The following SPECC1 variants were observed in gnomAD, a reference collection of about 807,000 sequenced individuals.
SPECC1 encodes the protein sperm antigen with calponin homology and coiled-coil domains 1.
SPECC1 carries 62 observed loss-of-function variants against 104.1 expected under a neutral mutation model. The ratio of observed to expected loss-of-function variants is 0.60; its 90% CI spans 0.49 to 0.74. The LOEUF (loss-of-function observed/expected upper bound fraction) is 0.74. SPECC1 is among the 30% of genes least tolerant of loss of function. The pLI is 0.00. For missense variants in SPECC1, 1,306 were observed against 1,310.5 expected (o/e 1.00, Z 0.05); for synonymous variants, 513 against 501.6 (o/e 1.02, Z -0.30).
At chr17:20,210,385 C>T (rs1382095164) in intron 4 of SPECC1, among the ~76,000 whole-genome samples, 1 of 152,190 alleles carries the variant, frequency 6.6e-6, no homozygotes, top group African/African-American at 2.4e-5. Context: ...GCTGGCAGTG[C>T]TGTGGTTCTG....
At chr17:20,200,771 A>G (rs1332436479) in intron 3 of SPECC1, among the ~76,000 whole-genome samples, 1 of 152,174 alleles carries the variant, frequency 6.6e-6, no homozygotes, top group Non-Finnish European at 1.5e-5. Flanking sequence ...CAAGACCATC[A>G]TCATTGGTCT....
At chr17:20,279,597 C>T (rs984174709) in intron 12 of SPECC1, among the ~76,000 whole-genome samples, 6 of 152,186 alleles carry the variant, frequency 3.9e-5, no homozygotes, top group African/African-American at 1.4e-4. Context: ...GTTGGGATTA[C>T]AGGTATGAGC....
chr17:20,275,173 A>G (rs2040535237), intron 12 of SPECC1, among the ~76,000 whole-genome samples: 1 of 152,120 alleles, frequency 6.6e-6, no homozygotes, highest in Non-Finnish European at 1.5e-5. Context: ...CTAGTAGGGG[A>G]ACATTTGTAC....
At chr17:20,112,713 CT>C in intron 3 of SPECC1, 1 of 1,152,906 alleles carries the variant, frequency 8.7e-7, no homozygotes, top group Non-Finnish European at 1.3e-6. Context: ...TTTGAGGATC[CT>C]TCCGGTCTTA....
chr17:20,043,791 G>C (rs981760233), intron 1 of SPECC1, among the ~76,000 whole-genome samples: 2 of 152,156 alleles, frequency 1.3e-5, no homozygotes, highest in Non-Finnish European at 2.9e-5. Context: ...AGGGAGAAGA[G>C]TTTTCTAAGG....
At chr17:20,291,152 C>A (rs1220564655) in intron 12 of SPECC1, among the ~76,000 whole-genome samples, 1 of 152,174 alleles carries the variant, frequency 6.6e-6, no homozygotes, top group East Asian at 1.9e-4. Flanking sequence ...AGAGTCTGTT[C>A]CTGGTGGGCC....
intron 2 of SPECC1, among the ~76,000 whole-genome samples, chr17:20,103,552 G>A (rs553534514): frequency 6.6e-6 from 1 of 152,192 alleles, no homozygotes; most frequent in African/African-American, 2.4e-5. Context: ...GAATGGGAGG[G>A]ACAGGAATGG....
intron 2 of SPECC1, among the ~76,000 whole-genome samples, chr17:20,100,384 G>A (rs973588369): frequency 3.9e-5 from 6 of 152,084 alleles, no homozygotes; most frequent in Non-Finnish European, 7.4e-5. Context: ...AAATGGTGGT[G>A]GACAAAAAAG....
intron 3 of SPECC1, among the ~76,000 whole-genome samples, chr17:20,133,442 C>A (rs928374844): frequency 1.3e-5 from 2 of 151,678 alleles, no homozygotes; most frequent in Admixed American, 6.6e-5. Flanking sequence ...GGAATCATGG[C>A]AGTTAAAAAA....
At chr17:20,202,841 A>C (rs1282990805) in intron 3 of SPECC1, among the ~76,000 whole-genome samples, 6 of 152,204 alleles carry the variant, frequency 3.9e-5, no homozygotes, top group Non-Finnish European at 8.8e-5. Context: ...AAAGTCTATG[A>C]TATACTCTTG....
chr17:20,245,842 C>A, intron 7 of SPECC1, 84 bp from the exon 8 acceptor site: 1 of 1,474,168 alleles, frequency 6.8e-7, no homozygotes, highest in Non-Finnish European at 9.3e-7. Flanking sequence ...ATTTTCTCCA[C>A]ATCAGTTCTG....
At chr17:20,306,169 A>AT (rs2041757554) in intron 14 of SPECC1, 87 bp downstream of exon 14, 6 of 1,284,440 alleles carry the variant, frequency 4.7e-6, no homozygotes, top group Non-Finnish European at 6.7e-6. Context: ...CTCGTAGAAC[A>AT]TTGACATCTG....
chr17:20,238,574 C>T (rs2039046528), intron 7 of SPECC1: 1 of 1,043,060 alleles, frequency 9.6e-7, no homozygotes, highest in East Asian at 5.7e-5. Flanking sequence ...TCAAACTGGA[C>T]AGCACAGAAT....
chr17:20,314,015 CAG>C lies in SPECC1; in HGVS notation c.3160_3161del (p.Ser1054CysfsTer13), dbSNP rs2041999214. The C allele has an allele frequency of 1.2e-6, 2 of 1,614,166 alleles. No individual in the cohort carries two copies. The highest frequency in any genetic ancestry group is 1.7e-5 in the Admixed American group (1 of 60,020). ...GCTGTACACAGACCGGCCCGACTGGCAGAGTGTGATGCAGTACGTGGCCCAAA... is the reference window on the plus strand; with the variant it reads ...GCTGTACACAGACCGGCCCGACTGGCAGTGTGATGCAGTACGTGGCCCAAA... ...EMLYTDRPDW[Q>X]SVMQYVAQIY... On this transcript the variant is annotated frameshift_variant, in exon 15 of 15. Coordinates refer to ENST00000395527, the MANE Select transcript of SPECC1 (RefSeq NM_001243439.2). LOFTEE classifies it high-confidence loss of function.
intron 3 of SPECC1, among the ~76,000 whole-genome samples, chr17:20,194,502 A>AT (rs1209589252): frequency 0.046 from 3,981 of 86,428 alleles, 415 homozygotes; most frequent in African/African-American, 0.15. Context: ...AAGAGAACGA[A>AT]TTTTTTTTTT....
chr17:20,291,219 A>C (rs1198252316), intron 12 of SPECC1, among the ~76,000 whole-genome samples: 2 of 152,140 alleles, frequency 1.3e-5, no homozygotes, highest in African/African-American at 4.8e-5. Flanking sequence ...AAGGAATCAA[A>C]GTTTCACCAC....
intron 12 of SPECC1, among the ~76,000 whole-genome samples, chr17:20,287,423 CAAAAAAAAAAAAAAAAA>C (rs61713120): frequency 1.5e-4 from 15 of 98,044 alleles, no homozygotes; most frequent in Admixed American, 3.4e-4. Context: ...GACTCCGTCT[CAAAAAAAAAAAAAAAAA>C]AAAAAAAAAA....
intron 4 of SPECC1, among the ~76,000 whole-genome samples, chr17:20,216,707 C>CT (rs1268458388): frequency 1.3e-5 from 2 of 152,154 alleles, no homozygotes; most frequent in East Asian, 1.9e-4. Flanking sequence ...TTGTTTGACT[C>CT]TATTTATAGT....
At chr17:20,158,346 A>G (rs1162394475) in intron 3 of SPECC1, among the ~76,000 whole-genome samples, 3 of 152,174 alleles carry the variant, frequency 2.0e-5, no homozygotes, top group Non-Finnish European at 2.9e-5. Flanking sequence ...AGACATTTAG[A>G]ATTAAGAATG....
Sources: allele counts gnomAD v4.1 joint callset (sites outside exome capture counted in the v4.1 genomes callset), GRCh38; gene constraint gnomAD v4.1.1; transcripts MANE v1.5; gene names NCBI Gene and HGNC (gene_info 2026-07-23, HGNC 2026-07-21).